Variants in UBE2E3 observed in about 807,000 individuals in gnomAD.
The protein encoded by UBE2E3 is ubiquitin-conjugating enzyme E2 E3.
A neutral mutation model predicts 23.6 loss-of-function variants in UBE2E3; 5 were observed. The observed-to-expected ratio is 0.21, with a 90% CI of 0.11 to 0.44. UBE2E3 has a LOEUF of 0.44. UBE2E3 is among the 20% of genes least tolerant of loss of function. The pLI is 0.99. For synonymous variants in UBE2E3, 78 were observed against 87.5 expected (o/e 0.89, Z 0.60); for missense variants, 81 against 249.8 (o/e 0.32, Z 4.55).
intron 3 of UBE2E3, among the ~76,000 whole-genome samples, chr2:180,997,282 T>C (rs1559115182): frequency 1.3e-5 from 2 of 152,092 alleles, no homozygotes; most frequent in Admixed American, 6.5e-5. Flanking sequence ...TTGTGTCTTA[T>C]ATTTCTTTCA....
At chr2:181,055,196 T>G (rs1312555353) in intron 3 of UBE2E3, among the ~76,000 whole-genome samples, 3 of 151,646 alleles carry the variant, frequency 2.0e-5, no homozygotes, top group African/African-American at 7.3e-5. Flanking sequence ...AGTTTTGCTG[T>G]CAAGGAAAGA....
chr2:181,036,595 G>A (rs1686294099), intron 3 of UBE2E3, among the ~76,000 whole-genome samples: 1 of 152,140 alleles, frequency 6.6e-6, no homozygotes, highest in Non-Finnish European at 1.5e-5. Flanking sequence ...GGGGGTGTGG[G>A]GGTTATGTGA....
At chr2:181,044,155 A>G (rs549833367) in intron 3 of UBE2E3, among the ~76,000 whole-genome samples, 1 of 152,170 alleles carries the variant, frequency 6.6e-6, no homozygotes, top group Non-Finnish European at 1.5e-5. Context: ...CCCAAGTACT[A>G]CAATTTCTGG....
At chr2:180,997,876 C>G (rs1684874432) in intron 3 of UBE2E3, among the ~76,000 whole-genome samples, 1 of 152,084 alleles carries the variant, frequency 6.6e-6, no homozygotes. Flanking sequence ...TTGTGAAGCC[C>G]TTCCTGCACA....
At chr2:181,008,496 C>T (rs1685218619) in intron 3 of UBE2E3, among the ~76,000 whole-genome samples, 1 of 152,186 alleles carries the variant, frequency 6.6e-6, no homozygotes, top group Admixed American at 6.5e-5. Context: ...ATAGATGCTT[C>T]GTATGTGCAT....
chr2:181,059,597 C>T (rs2368190), intron 4 of UBE2E3, among the ~76,000 whole-genome samples: 35,166 of 151,504 alleles, frequency 0.23, 4,444 homozygotes, highest in Non-Finnish European at 0.28. Flanking sequence ...TGAAATCTTA[C>T]ACATTTTCTT....
chr2:181,051,991 G>A (rs1686856408), intron 3 of UBE2E3, among the ~76,000 whole-genome samples: 1 of 151,792 alleles, frequency 6.6e-6, no homozygotes. Flanking sequence ...ACATTTCTGA[G>A]TCACTGAGGT....
chr2:181,025,416 C>G (rs1003234458), intron 3 of UBE2E3, among the ~76,000 whole-genome samples: 1 of 151,670 alleles, frequency 6.6e-6, no homozygotes, highest in African/African-American at 2.4e-5. Context: ...TTTTCCCTGA[C>G]AGTTTATGTT....
At chr2:181,055,439 T>TGACCCCTTCCC (rs1686963407) in intron 3 of UBE2E3, among the ~76,000 whole-genome samples, 1 of 151,696 alleles carries the variant, frequency 6.6e-6, no homozygotes, top group Non-Finnish European at 1.5e-5. Flanking sequence ...TGTCCCTTCC[T>TGACCCCTTCCC]GACCCCTTCC....
At position 181,015,306 on chromosome 2, in the gene UBE2E3, T is replaced by G. The variant is rs1685452048; in HGVS notation, c.245+31213T>G. On this transcript the variant is annotated intron_variant, in intron 3 of 5. Transcript: ENST00000410062. ...CATTAGGACATTTTAAAATGAGGGC[T>G]TTATCACATAGCTTATATGTGTTCT... Among the ~76,000 whole-genome samples, 7 of 152,326 alleles carry G rather than the reference T, an allele frequency of 4.6e-5. 1 individual carries two copies. The South Asian group carries it at 1.5e-3, about 32-fold the overall frequency.
At chr2:180,994,662 G>T (rs1264439853) in intron 3 of UBE2E3, among the ~76,000 whole-genome samples, 1 of 152,130 alleles carries the variant, frequency 6.6e-6, no homozygotes, top group Non-Finnish European at 1.5e-5. Context: ...GAACGAGTGG[G>T]TTCATTTATA....
chr2:181,036,463 G>C (rs556329063), intron 3 of UBE2E3, among the ~76,000 whole-genome samples: 1 of 152,354 alleles, frequency 6.6e-6, no homozygotes, highest in Non-Finnish European at 1.5e-5. Flanking sequence ...ATTGTGTGGA[G>C]TTTGCATCTT....
chr2:181,045,288 C>T (rs2105466848), intron 3 of UBE2E3, among the ~76,000 whole-genome samples: 1 of 152,214 alleles, frequency 6.6e-6, no homozygotes, highest in East Asian at 1.9e-4. Context: ...GGGAAGTTTT[C>T]CAAGGAGGCT....
intron 3 of UBE2E3, among the ~76,000 whole-genome samples, chr2:181,026,093 G>A (rs576471507): frequency 1.3e-5 from 2 of 151,976 alleles, no homozygotes; most frequent in East Asian, 3.9e-4. Flanking sequence ...AGGCTTTTGC[G>A]TAGAATCAAA....
chr2:181,030,870 G>T (rs1686055701), intron 3 of UBE2E3, among the ~76,000 whole-genome samples: 1 of 151,740 alleles, frequency 6.6e-6, no homozygotes, highest in African/African-American at 2.4e-5. Flanking sequence ...TTGTCACAAG[G>T]TTTCTATGTT....
intron 3 of UBE2E3, among the ~76,000 whole-genome samples, chr2:180,994,859 T>A (rs958082102): frequency 6.6e-6 from 1 of 152,194 alleles, no homozygotes; most frequent in African/African-American, 2.4e-5. Context: ...AAACCTATTA[T>A]AAAAAGTTAG....
chr2:181,017,902 G>A (rs746999626), intron 3 of UBE2E3, among the ~76,000 whole-genome samples: 1 of 150,670 alleles, frequency 6.6e-6, no homozygotes, highest in Non-Finnish European at 1.5e-5. Flanking sequence ...TTGGTTAGAG[G>A]AATCCCAGCT....
At chr2:180,999,581 C>A (rs1294696995) in intron 3 of UBE2E3, among the ~76,000 whole-genome samples, 3 of 152,064 alleles carry the variant, frequency 2.0e-5, no homozygotes, top group Non-Finnish European at 4.4e-5. Flanking sequence ...TTGTCCACAT[C>A]CTTGCCATAC....
At chr2:181,021,604 CT>C (rs1685693111) in intron 3 of UBE2E3, among the ~76,000 whole-genome samples, 1 of 112,058 alleles carries the variant, frequency 8.9e-6, no homozygotes, top group African/African-American at 3.4e-5. Context: ...CCCTCCCTTC[CT>C]TCCTTCCTCC....
Sources: allele counts gnomAD v4.1 joint callset (sites outside exome capture counted in the v4.1 genomes callset), GRCh38; gene constraint gnomAD v4.1.1; transcripts MANE v1.5; gene names NCBI Gene and HGNC (gene_info 2026-07-23, HGNC 2026-07-21).